KCNIP4: variants seen among roughly 807,000 people sequenced by gnomAD.
KCNIP4 encodes Kv channel-interacting protein 4.
In KCNIP4, 12 loss-of-function variants were observed where a neutral mutation model predicts 34.0. That is an observed-to-expected ratio of 0.35 (90% CI 0.23 to 0.57). The LOEUF (loss-of-function observed/expected upper bound fraction) is 0.57, where lower values mean the gene tolerates loss of function less well. Ranked by LOEUF, KCNIP4 falls within the 20% of genes least tolerant of loss-of-function variation. KCNIP4 has a pLI of 0.83. For synonymous variants in KCNIP4, 124 were observed against 102.2 expected, an observed-to-expected ratio of 1.21 and a Z score of -1.29; for missense variants, 238 against 311.7, an observed-to-expected ratio of 0.76 and a Z score of 1.78.
At chr4:21,367,405 T>C (rs955734371) in intron 1 of KCNIP4, among the ~76,000 whole-genome samples, 1 of 152,114 alleles carries the variant, frequency 6.6e-6, no homozygotes, top group Non-Finnish European at 1.5e-5. Flanking sequence ...TTTATTTGCC[T>C]ATCTTAGTGT....
intron 1 of KCNIP4, among the ~76,000 whole-genome samples, chr4:21,051,366 G>C (rs527840192): frequency 1.3e-5 from 2 of 152,156 alleles, no homozygotes; most frequent in Non-Finnish European, 2.9e-5. Flanking sequence ...TATTTTATCT[G>C]AATTTTGAGG....
At chr4:21,320,137 G>A (rs977029886) in intron 1 of KCNIP4, among the ~76,000 whole-genome samples, 1 of 152,188 alleles carries the variant, frequency 6.6e-6, no homozygotes, top group Non-Finnish European at 1.5e-5. Context: ...ATCTGAAACA[G>A]ATTACACATT....
At chr4:20,861,692 T>C (rs1722210863) in intron 2 of KCNIP4, among the ~76,000 whole-genome samples, 8 of 152,164 alleles carry the variant, frequency 5.3e-5, no homozygotes. Flanking sequence ...CAGGTACTTG[T>C]TGGCAATGAC....
At chr4:21,367,305 T>C (rs1719883480) in intron 1 of KCNIP4, among the ~76,000 whole-genome samples, 2 of 152,204 alleles carry the variant, frequency 1.3e-5, no homozygotes. Flanking sequence ...GGAAAGTAGA[T>C]ACATAACCTG....
intron 1 of KCNIP4, among the ~76,000 whole-genome samples, chr4:21,839,617 G>C (rs1723554685): frequency 6.6e-6 from 1 of 152,142 alleles, no homozygotes; most frequent in African/African-American, 2.4e-5. Context: ...GCCAAGCATA[G>C]TGGCACATGC....
At chr4:21,543,386 A>T (rs1480112593) in intron 1 of KCNIP4, among the ~76,000 whole-genome samples, 1 of 151,956 alleles carries the variant, frequency 6.6e-6, no homozygotes, top group Non-Finnish European at 1.5e-5. Flanking sequence ...CTAACTATTC[A>T]TTTTTACACT....
intron 1 of KCNIP4, chr4:21,846,835 C>T (rs1724049660): frequency 6.6e-6 from 1 of 152,118 alleles, no homozygotes. Flanking sequence ...CCCTATACAA[C>T]TGAGCAATAC....
rs1461785816 is a variant in KCNIP4 at position 21,003,722 on chromosome 4, A to G, written c.62-121013T>C. Among the ~76,000 whole-genome samples, 3 of 152,302 alleles carry G rather than the reference A, an allele frequency of 2.0e-5. No individual in the cohort carries two copies. In the East Asian group the frequency reaches 5.8e-4, roughly 29 times the overall value. ...CACCTGAGTTGGGGTTATTGCTGATATTATTTTATTAAGTGAAACTGGATA... is the reference window on the plus strand; with the variant it reads ...CACCTGAGTTGGGGTTATTGCTGATGTTATTTTATTAAGTGAAACTGGATA... On this transcript the variant is annotated intron_variant, in intron 1 of 8. Coordinates refer to ENST00000382152, the MANE Select transcript of KCNIP4 (RefSeq NM_025221.6).
chr4:21,137,669 A>G (rs571274594), intron 1 of KCNIP4, among the ~76,000 whole-genome samples: 4 of 152,212 alleles, frequency 2.6e-5, no homozygotes, highest in African/African-American at 9.6e-5. Context: ...TTCCTGTTTC[A>G]GGACTTACTA....
chr4:21,305,971 G>C (rs1474808205), intron 1 of KCNIP4, among the ~76,000 whole-genome samples: 1 of 152,192 alleles, frequency 6.6e-6, no homozygotes, highest in Non-Finnish European at 1.5e-5. Context: ...CCAGAGGGCA[G>C]AGATCATGCC....
intron 6 of KCNIP4, 54 bp downstream of exon 6, chr4:20,734,574 G>C: frequency 4.7e-6 from 4 of 849,514 alleles, no homozygotes; most frequent in Non-Finnish European, 7.1e-6. Flanking sequence ...ATATTTTAAA[G>C]TTAAGAAATG....
In KCNIP4 at chr4:21,107,017, A is replaced by T. The variant is rs1748610294; in HGVS notation, c.62-224308T>A. On this transcript the variant is annotated intron_variant, in intron 1 of 8. Coordinates refer to ENST00000382152, the MANE Select transcript of KCNIP4 (RefSeq NM_025221.6). ...TTTGCTGAGGAGAGCTTTACTTCCA[A>T]GTATGTGGTCAATTTTGGAATAGGT... 2.7e-5 allele frequency among the ~76,000 whole-genome samples: 4 copies of T among 148,604 alleles called. No homozygotes were observed. The South Asian group carries it at 8.6e-4, about 32-fold the overall frequency.
intron 1 of KCNIP4, among the ~76,000 whole-genome samples, chr4:21,495,742 T>C (rs1732797269): frequency 6.6e-6 from 1 of 152,206 alleles, no homozygotes; most frequent in Non-Finnish European, 1.5e-5. Context: ...ATGCATTCTC[T>C]ATTTCTTCCA....
intron 1 of KCNIP4, among the ~76,000 whole-genome samples, chr4:21,601,768 T>C (rs1206514816): frequency 1.3e-5 from 2 of 152,122 alleles, no homozygotes; most frequent in African/African-American, 4.8e-5. Flanking sequence ...GCCAAGCTCA[T>C]TTCTGCTTTA....
At position 21,258,704 on chromosome 4, in the gene KCNIP4, G is replaced by A. The variant is rs185642662; in HGVS notation, c.62-375995C>T. The stretch of plus-strand genomic sequence containing the variant: ...AAGAAGGCAAAAAACTGGTGATGCT[G>A]AGACTGATTCTTGCCAATGTTATCT... On this transcript the variant is annotated intron_variant, in intron 1 of 8. Coordinates refer to ENST00000382152, the MANE Select transcript of KCNIP4 (RefSeq NM_025221.6). Among the ~76,000 whole-genome samples the A allele has an allele frequency of 2.2e-3, 336 of 152,228 alleles. 3 individuals carry two copies. Among genetic ancestry groups the A allele is most frequent in the African/African-American group, 7.7e-3 (318 of 41,556 alleles).
chr4:21,797,152 T>C (rs922642860), intron 1 of KCNIP4, among the ~76,000 whole-genome samples: 2 of 152,166 alleles, frequency 1.3e-5, no homozygotes, highest in Admixed American at 1.3e-4. Flanking sequence ...ATTCTATTTA[T>C]TTATTTATTT....
chr4:21,140,244 T>G (rs1453127086), intron 1 of KCNIP4, among the ~76,000 whole-genome samples: 1 of 152,128 alleles, frequency 6.6e-6, no homozygotes, highest in Admixed American at 6.5e-5. Context: ...TTGCTTTCTC[T>G]TTTGGGCCTC....
chr4:21,555,096 A>G (rs1038140259), intron 1 of KCNIP4, among the ~76,000 whole-genome samples: 2 of 152,178 alleles, frequency 1.3e-5, no homozygotes, highest in Admixed American at 6.5e-5. Flanking sequence ...GTACACAGTT[A>G]TTAGCCTGTT....
At chr4:20,920,762 C>A (rs1028050908) in intron 1 of KCNIP4, among the ~76,000 whole-genome samples, 3 of 152,020 alleles carry the variant, frequency 2.0e-5, no homozygotes, top group East Asian at 1.9e-4. Context: ...GAGGCCGAGG[C>A]GGGTGGATCA....
Sources: gnomAD v4.1 joint callset for allele counts (sites outside exome capture counted in the v4.1 genomes callset) on GRCh38, gnomAD v4.1.1 for gene constraint, MANE v1.5 for transcripts, NCBI Gene and HGNC (gene_info 2026-07-23, HGNC 2026-07-21) for gene names.